Variants in UST observed in about 807,000 individuals in gnomAD.
The protein encoded by UST is chondroitin sulfate 2-O-sulfotransferase.
UST carries 21 observed loss-of-function variants against 45.6 expected under a neutral mutation model. The ratio of observed to expected loss-of-function variants is 0.46; its 90% CI spans 0.33 to 0.66. The LOEUF (loss-of-function observed/expected upper bound fraction) is 0.66, where lower values mean the gene tolerates loss of function less well. UST is among the 30% of genes least tolerant of loss of function. The pLI is 0.02. For synonymous variants in UST, 215 were observed against 200.6 expected (o/e 1.07, Z -0.61); for missense variants, 463 against 512.4 (o/e 0.90, Z 0.93).
chr6:149,037,468 T>C (rs887721152), intron 7 of UST, among the ~76,000 whole-genome samples: 2 of 152,040 alleles, frequency 1.3e-5, no homozygotes, highest in Non-Finnish European at 2.9e-5. Context: ...GAGGCCCAGG[T>C]GTGGGGGAGG....
chr6:149,043,148 A>G (rs1196260137), intron 7 of UST, among the ~76,000 whole-genome samples: 4 of 148,808 alleles, frequency 2.7e-5, no homozygotes, highest in Non-Finnish European at 3.0e-5. Context: ...TCACTCTGTT[A>G]CCCAGGCTAG....
At chr6:148,836,675 C>CTTTAAGACTTGTTACTATTTTA (rs1279034027) in intron 1 of UST, among the ~76,000 whole-genome samples, 1 of 152,148 alleles carries the variant, frequency 6.6e-6, no homozygotes, top group African/African-American at 2.4e-5. Context: ...ATGTGCCACT[C>CTTTAAGACTTGTTACTATTTTA]TTTAAGACTT....
At chr6:148,820,810 A>G (rs1343202996) in intron 1 of UST, among the ~76,000 whole-genome samples, 28 of 146,224 alleles carry the variant, frequency 1.9e-4, no homozygotes, top group African/African-American at 6.6e-4. Context: ...CTGAGATCGC[A>G]CCACTGCACT....
At position 148,866,824 on chromosome 6, in the gene UST, G is replaced by A. The variant is rs184880356; in HGVS notation, c.248-20162G>A. Among the ~76,000 whole-genome samples the A allele has an allele frequency of 7.5e-4, 114 of 152,120 alleles. 1 individual carries two copies. Among genetic ancestry groups the A allele is most frequent in the African/African-American group, 2.5e-3 (104 of 41,484 alleles). On this transcript the variant is annotated intron_variant, in intron 1 of 7. Transcript: ENST00000367463. ...TGAAATATATTTCCTCCATTGCTGA[G>A]TGATCTCTTCAATTATTCTCTGTTA...
intron 5 of UST, among the ~76,000 whole-genome samples, chr6:148,968,543 G>A (rs1180484064): frequency 6.6e-6 from 1 of 152,238 alleles, no homozygotes. Flanking sequence ...CCCAGCACCT[G>A]AGACTCTAAT....
intron 7 of UST, among the ~76,000 whole-genome samples, chr6:149,059,912 C>A (rs1449759266): frequency 6.6e-6 from 1 of 152,108 alleles, no homozygotes; most frequent in Non-Finnish European, 1.5e-5. Context: ...CATTCCTCCT[C>A]CGGGCTGATT....
intron 1 of UST, among the ~76,000 whole-genome samples, chr6:148,856,616 G>C (rs764773844): frequency 6.6e-6 from 1 of 152,226 alleles, no homozygotes; most frequent in Non-Finnish European, 1.5e-5. Flanking sequence ...GGGTTGCGGG[G>C]CGGGCTTTCC....
chr6:148,973,152 T>C lies in UST; in HGVS notation c.681+8589T>C, dbSNP rs1780952640. On this transcript the variant is annotated intron_variant, in intron 5 of 7. Coordinates refer to ENST00000367463, the MANE Select transcript of UST (RefSeq NM_005715.3). ...AAATGTCATTAAAGAGGTTTGATGA[T>C]ATAGTGCAATATTATGTGTTGTATT... 2.0e-5 allele frequency among the ~76,000 whole-genome samples: 3 copies of C among 152,244 alleles called. No homozygotes were observed. In the South Asian group the frequency reaches 6.2e-4, roughly 32 times the overall value.
rs74917571 is a variant in UST at position 148,878,693 on chromosome 6, G to A, written c.248-8293G>A. ...GGGGTCGTGTATGAGTGCGGGGGTC[G>A]TGTGTGAGTGCGGAGGTCGTGTATG... On this transcript the variant is annotated intron_variant, in intron 1 of 7. Transcript: ENST00000367463. Among the ~76,000 whole-genome samples, 107 of 55,194 alleles carry A rather than the reference G, an allele frequency of 1.9e-3. 7 individuals carry two copies. In the South Asian group the frequency reaches 0.059, roughly 31 times the overall value. The allele number at this position is 55,194 out of a possible 152,430, so 36.2% of individuals were successfully genotyped here. A position where few individuals can be genotyped will look rare whatever the true frequency, so the allele number is the denominator to read the frequency against.
intron 5 of UST, among the ~76,000 whole-genome samples, chr6:148,989,063 T>A (rs1234234072): frequency 6.6e-6 from 1 of 152,136 alleles, no homozygotes; most frequent in African/African-American, 2.4e-5. Context: ...AAGAATGAGA[T>A]AATAGAGGTT....
intron 5 of UST, among the ~76,000 whole-genome samples, chr6:149,012,807 A>T (rs1213143443): frequency 1.4e-5 from 2 of 146,988 alleles, no homozygotes; most frequent in Non-Finnish European, 1.5e-5. Context: ...CACTATTTAA[A>T]AAAAAAAAAA....
intron 2 of UST, among the ~76,000 whole-genome samples, chr6:148,918,585 C>T (rs1206019795): frequency 6.6e-6 from 1 of 152,124 alleles, no homozygotes; most frequent in East Asian, 1.9e-4. Flanking sequence ...ATTATTCTTA[C>T]TTGCATTCTC....
At chr6:148,747,754 C>T (rs1775900876) in intron 1 of UST, 77 bp downstream of exon 1, 2 of 1,451,614 alleles carry the variant, frequency 1.4e-6, no homozygotes, top group East Asian at 5.3e-5. Flanking sequence ...GCGGCGGGGA[C>T]TTCTCGCGCT....
intron 2 of UST, among the ~76,000 whole-genome samples, chr6:148,904,071 CT>C (rs1294669633): frequency 6.6e-6 from 1 of 152,160 alleles, no homozygotes; most frequent in African/African-American, 2.4e-5. Flanking sequence ...GACATTGACT[CT>C]GGAAAATCAT....
intron 1 of UST, among the ~76,000 whole-genome samples, chr6:148,749,877 G>C (rs1390218763): frequency 6.6e-6 from 1 of 152,136 alleles, no homozygotes; most frequent in Non-Finnish European, 1.5e-5. Context: ...ACATCATTGT[G>C]AACTGAAAAT....
At chr6:148,794,032 C>G (rs528262040) in intron 1 of UST, among the ~76,000 whole-genome samples, 1 of 152,324 alleles carries the variant, frequency 6.6e-6, no homozygotes, top group African/African-American at 2.4e-5. Context: ...TTCTGTTCAG[C>G]TTTCATAGAC....
chr6:148,870,303 C>A (rs562895838), intron 1 of UST, among the ~76,000 whole-genome samples: 1 of 152,254 alleles, frequency 6.6e-6, no homozygotes, highest in Non-Finnish European at 1.5e-5. Flanking sequence ...CCTCCTGACC[C>A]CTGGGGTTGA....
At chr6:148,824,678 T>C (rs553858530) in intron 1 of UST, among the ~76,000 whole-genome samples, 120 of 146,538 alleles carry the variant, frequency 8.2e-4, no homozygotes, top group South Asian at 1.1e-3. Context: ...TTCTTTCTTT[T>C]TTTTTTTTTT....
At chr6:148,841,663 T>C in intron 1 of UST, among the ~76,000 whole-genome samples, 1 of 151,986 alleles carries the variant, frequency 6.6e-6, no homozygotes, top group Non-Finnish European at 1.5e-5. Context: ...AAAAGAGCTG[T>C]GTCATATTTC....
Sources: gnomAD v4.1 joint callset for allele counts (sites outside exome capture counted in the v4.1 genomes callset) on GRCh38, gnomAD v4.1.1 for gene constraint, MANE v1.5 for transcripts, NCBI Gene and HGNC (gene_info 2026-07-23, HGNC 2026-07-21) for gene names.